Variants in PGBD2 observed in about 807,000 individuals in gnomAD.
PGBD2 encodes piggyBac transposable element derived 2.
PGBD2 carries 6 observed loss-of-function variants against 8.1 expected under a neutral mutation model. The ratio of observed to expected loss-of-function variants is 0.74; its 90% CI spans 0.40 to 1.46. The LOEUF is 1.46. Ranked by LOEUF, PGBD2 falls within the 40% of genes most tolerant of loss-of-function variation. The pLI, the probability that PGBD2 is intolerant of heterozygous loss-of-function variation, is 0.02. For missense variants in PGBD2, 802 were observed against 739.0 expected (o/e 1.09, Z -0.99); for synonymous variants, 318 against 272.2 (o/e 1.17, Z -1.66).
chr1:248,915,326 C>T (rs894691140), intron 2 of PGBD2, among the ~76,000 whole-genome samples: 3 of 152,198 alleles, frequency 2.0e-5, no homozygotes, highest in African/African-American at 7.2e-5. Context: ...GGTGTAAAAG[C>T]CAGATACATT....
rs1277643554 is a variant in PGBD2 at position 248,918,301 on chromosome 1, C to T, written c.1717C>T (p.Arg573Trp). 3 of 1,595,140 alleles carry T rather than the reference C, an allele frequency of 1.9e-6. No individual in the cohort carries two copies. Among genetic ancestry groups the T allele is most frequent in the Admixed American group, 1.7e-5 (1 of 58,370 alleles). The part of the protein sequence containing the change: ...CALCHSQTNT[R>W]CEKCQKGVHA... ...CCTCTGCCACTCACAGACCAACACCCGGTGTGAGAAGTGCCAGAAGGGTGT... is the reference window on the plus strand; with the variant it reads ...CCTCTGCCACTCACAGACCAACACCTGGTGTGAGAAGTGCCAGAAGGGTGT... The change falls in exon 3 of 3, where the codon CGG (arginine) becomes TGG (tryptophan). Residue 573 changes from arginine (R) to tryptophan (W), a missense_variant. Coordinates refer to ENST00000329291, the MANE Select transcript of PGBD2 (RefSeq NM_170725.3).
the PGBD2 span, among the ~76,000 whole-genome samples, chr1:248,927,912 C>G: frequency 6.6e-6 from 1 of 152,076 alleles, no homozygotes; most frequent in Non-Finnish European, 1.5e-5. Context: ...CTTCATGAAC[C>G]AAAACCAAAG....
At position 248,917,252 on chromosome 1, in the gene PGBD2, T is replaced by C; in HGVS notation, c.668T>C (p.Leu223Pro). ...ADAIRRDRFE[L>P]IFSYLHFADN... ...GCAATTAGAAGGGACAGATTTGAACTAATCTTCTCATACTTACATTTTGCA... is the reference window on the plus strand; with the variant it reads ...GCAATTAGAAGGGACAGATTTGAACCAATCTTCTCATACTTACATTTTGCA... Residue 223 changes from leucine to proline, a missense_variant, in exon 3 of 3, where the codon CTA (leucine) becomes CCA (proline). Physicochemically the swap from Leu to Pro is moderately conservative, Grantham distance 98 (BLOSUM62 -3). Coordinates refer to ENST00000329291, the MANE Select transcript of PGBD2 (RefSeq NM_170725.3). 1 of 1,614,162 alleles carries C rather than the reference T, an allele frequency of 6.2e-7. No homozygotes were observed. The highest frequency in any genetic ancestry group is 8.5e-7 in the Non-Finnish European group (1 of 1,180,022).
chr1:248,888,432 AC>A, the PGBD2 span, among the ~76,000 whole-genome samples: 2 of 152,018 alleles, frequency 1.3e-5, no homozygotes, highest in African/African-American at 4.8e-5. Context: ...TTTTAGTAAT[AC>A]TCATTCTGAC....
At position 248,917,307 on chromosome 1, in the gene PGBD2, G is replaced by A. The variant is rs1572280865; in HGVS notation, c.723G>A (p.Arg241=). Residue 241 remains arginine, a synonymous_variant, in exon 3 of 3, where the codon AGG becomes AGA. Transcript: ENST00000329291. ...ADNNELDASD[R]FAKVRPLIIR... ...ACAACGAACTTGATGCAAGTGATAG[G>A]TTTGCCAAGGTCAGACCTCTCATCA... The A allele has an allele frequency of 6.2e-7, 1 of 1,614,170 alleles. No individual in the cohort carries two copies. The highest frequency in any genetic ancestry group is 8.5e-7 in the Non-Finnish European group (1 of 1,180,020).
chr1:248,873,865 C>T, the PGBD2 span, among the ~76,000 whole-genome samples: 4 of 152,180 alleles, frequency 2.6e-5, no homozygotes, highest in Admixed American at 1.3e-4. Flanking sequence ...GTCAGGATGG[C>T]CGAGTGGTCT....
chr1:248,884,057 T>A, the PGBD2 span, among the ~76,000 whole-genome samples: 1 of 152,200 alleles, frequency 6.6e-6, no homozygotes, highest in Non-Finnish European at 1.5e-5. Context: ...ATTTTTATAG[T>A]TGGAGGTCTT....
the PGBD2 span, among the ~76,000 whole-genome samples, chr1:248,929,465 T>G: frequency 2.0e-5 from 3 of 152,216 alleles, no homozygotes; most frequent in Non-Finnish European, 4.4e-5. Flanking sequence ...TTGACTCACT[T>G]TATCACCCCA....
At chr1:248,916,502 C>T (rs1195957497) in intron 2 of PGBD2, 100 bp from the exon 3 acceptor site, 3 of 953,996 alleles carry the variant, frequency 3.1e-6, no homozygotes, top group Non-Finnish European at 4.7e-6. Flanking sequence ...TGAAGCCATT[C>T]AAGTGGAAGT....
chr1:248,914,949 C>T (rs1309285963), intron 2 of PGBD2, among the ~76,000 whole-genome samples: 1 of 152,164 alleles, frequency 6.6e-6, no homozygotes, highest in Non-Finnish European at 1.5e-5. Context: ...GGACTGTGTG[C>T]CTGTGGTTCT....
chr1:248,914,144 A>G lies in PGBD2; in HGVS notation c.17+265A>G, dbSNP rs147622615. Among the ~76,000 whole-genome samples, 730 of 152,354 alleles carry G rather than the reference A, an allele frequency of 4.8e-3. 2 individuals carry two copies. The highest frequency in any genetic ancestry group is 7.8e-3 in the Non-Finnish European group (528 of 68,032). On this transcript the variant is annotated intron_variant, in intron 2 of 2. Coordinates refer to ENST00000329291, the MANE Select transcript of PGBD2 (RefSeq NM_170725.3). ...CTTCACTTTCCTCATCTTTCAAGAT[A>G]AAGACACCAGATGGTTACTCCTGGG...
At chr1:248,912,856 T>G in intron 1 of PGBD2, 1 of 143,674 alleles carries the variant, frequency 7.0e-6, no homozygotes, top group Admixed American at 7.4e-5. Flanking sequence ...CAGGCTGGAG[T>G]GTAATGGTGC....
rs1433778947 is a variant in PGBD2 at position 248,917,177 on chromosome 1, G to A, written c.593G>A (p.Arg198Lys). Residue 198 changes from arginine to lysine, a missense_variant, in exon 3 of 3, where the codon AGG becomes AAG. Transcript: ENST00000329291. ...LSGYISYPRR[R>K]MFWETSPDSH... ...GGGTACATCTCTTATCCAAGGAGAA[G>A]GATGTTCTGGGAAACCTCTCCCGAT... 6.2e-7 allele frequency: 1 copy of A among 1,614,126 alleles called. No individual in the cohort carries two copies. Among genetic ancestry groups the A allele is most frequent in the South Asian group, 1.1e-5 (1 of 91,078 alleles).
At chr1:248,892,066 G>T in the PGBD2 span, among the ~76,000 whole-genome samples, 1 of 152,212 alleles carries the variant, frequency 6.6e-6, no homozygotes, top group Non-Finnish European at 1.5e-5. Context: ...TTGAGGACAG[G>T]CCTGCCTGGG....
rs560567408 is a variant in PGBD2 at position 248,915,488 on chromosome 1, G to A, written c.18-1114G>A. 8.5e-5 allele frequency among the ~76,000 whole-genome samples: 13 copies of A among 152,322 alleles called. No individual in the cohort carries two copies. The South Asian group carries it at 2.3e-3, about 27-fold the overall frequency. ...TTCCCAACCATAGGCTAATGTAAAT[G>A]TTCTGAGCACGATTAAGGTAGGCTA... On this transcript the variant is annotated intron_variant, in intron 2 of 2. Coordinates refer to ENST00000329291, the MANE Select transcript of PGBD2 (RefSeq NM_170725.3).
At chr1:248,906,473 T>G (rs1011511517) in intron 1 of PGBD2, 131 bp downstream of exon 1, 2 of 150,442 alleles carry the variant, frequency 1.3e-5, no homozygotes, top group Admixed American at 6.7e-5. Flanking sequence ...GACGGTGGGC[T>G]GGCGGGACCA....
chr1:248,925,047 A>C, the PGBD2 span, among the ~76,000 whole-genome samples: 32 of 152,300 alleles, frequency 2.1e-4, no homozygotes, highest in South Asian at 6.6e-3. Flanking sequence ...TGATGGGTAA[A>C]AATGCAAGAC....
chr1:248,910,244 A>G (rs1282001840), intron 1 of PGBD2, among the ~76,000 whole-genome samples: 2 of 152,266 alleles, frequency 1.3e-5, no homozygotes, highest in African/African-American at 4.8e-5. Flanking sequence ...GACATTATGA[A>G]GAGCCTCAGG....
chr1:248,876,112 G>T, the PGBD2 span, among the ~76,000 whole-genome samples: 1 of 151,542 alleles, frequency 6.6e-6, no homozygotes, highest in Admixed American at 6.6e-5. Context: ...TGGTTCAAGC[G>T]ATTCTCCTGC....
Sources: allele counts gnomAD v4.1 joint callset (sites outside exome capture counted in the v4.1 genomes callset), GRCh38; gene constraint gnomAD v4.1.1; transcripts MANE v1.5; gene names NCBI Gene and HGNC (gene_info 2026-07-23, HGNC 2026-07-21).